LPIN1: variants seen among roughly 807,000 people sequenced by gnomAD.
LPIN1 encodes the protein lipin 1.
Under a neutral mutation model 107.5 loss-of-function variants are expected in LPIN1, and 71 were observed. The ratio of observed to expected loss-of-function variants is 0.66; its 90% CI spans 0.55 to 0.80. LPIN1 has a LOEUF of 0.80. Ranked by LOEUF, LPIN1 falls within the 30% of genes least tolerant of loss-of-function variation. The pLI is 0.00. For missense variants in LPIN1, 1,043 were observed against 1,160.6 expected, an observed-to-expected ratio of 0.90 and a Z score of 1.47; for synonymous variants, 445 against 452.6, an observed-to-expected ratio of 0.98 and a Z score of 0.21.
intron 1 of LPIN1, among the ~76,000 whole-genome samples, chr2:11,696,486 C>G (rs955196931): frequency 6.6e-5 from 10 of 152,024 alleles, no homozygotes; most frequent in African/African-American, 2.4e-4. Context: ...ATTAAAAAGA[C>G]ATTGGATTTT....
intron 1 of LPIN1, among the ~76,000 whole-genome samples, chr2:11,679,786 T>A (rs1661614058): frequency 6.6e-6 from 1 of 152,238 alleles, no homozygotes; most frequent in Admixed American, 6.5e-5. Context: ...CCTCCATGGC[T>A]CTGAAGGGTG....
chr2:11,732,361 A>G (rs1211692212), intron 1 of LPIN1, among the ~76,000 whole-genome samples: 1 of 152,194 alleles, frequency 6.6e-6, no homozygotes, highest in Non-Finnish European at 1.5e-5. Context: ...TCTGCTTTGT[A>G]TCTGTGGACC....
rs894519843 is a variant in LPIN1, at chr2:11,707,644, C to T, written c.82-6112C>T. On this transcript the variant is annotated intron_variant, in intron 1 of 21. Coordinates refer to the LPIN1 transcript ENST00000449576. This position sits in a 1 kb window ranked among gnomAD's most constrained non-coding sequence, Gnocchi z 4.2. ...GTGGCTGGGACTGGGTGGTGGTGCA[C>T]GCACGGGGAGAAGTGCTCGGGGTCC... 6.6e-6 allele frequency among the ~76,000 whole-genome samples: 1 copy of T among 152,100 alleles called. No individual in the cohort carries two copies. The highest frequency in any genetic ancestry group is 1.5e-5 in the Non-Finnish European group (1 of 68,022).
At chr2:11,789,879 A>G (rs1018233062) in intron 12 of LPIN1, among the ~76,000 whole-genome samples, 58 of 152,370 alleles carry the variant, frequency 3.8e-4, no homozygotes, top group African/African-American at 1.4e-3. Flanking sequence ...ATGCATGCTA[A>G]ATCTTTCTAC....
chr2:11,741,668 G>A (rs543195642), upstream of LPIN1, among the ~76,000 whole-genome samples: 11 of 152,186 alleles, frequency 7.2e-5, no homozygotes, highest in Admixed American at 5.2e-4. Flanking sequence ...AAAATGAGCC[G>A]GGCAAGGTGG....
At position 11,795,388 on chromosome 2, in the gene LPIN1, TTTCTTTTC is replaced by T; in HGVS notation, c.1807-10_1807-3del. The T allele has an allele frequency of 6.2e-7, 1 of 1,606,778 alleles. No individual in the cohort carries two copies. The highest frequency in any genetic ancestry group is 8.5e-7 in the Non-Finnish European group (1 of 1,173,660). On this transcript the variant is annotated splice_polypyrimidine_tract_variant and intron_variant, in intron 13 of 20. Coordinates refer to ENST00000674199, the MANE Select transcript of LPIN1 (RefSeq NM_001349206.2). ...CTTCTCTGTGGTACTTCTGTGACTC[TTTCTTTTC>T]TTCTTTTCTAGGAAAGTAAGCCAGA...
chr2:11,766,100 G>C (rs1234355736), intron 2 of LPIN1, among the ~76,000 whole-genome samples: 1 of 152,220 alleles, frequency 6.6e-6, no homozygotes, highest in African/African-American at 2.4e-5. Flanking sequence ...CTGGCTCTTG[G>C]CTGGGCTCTT....
intron 1 of LPIN1, among the ~76,000 whole-genome samples, chr2:11,751,196 C>T (rs939253611): frequency 2.6e-5 from 4 of 152,070 alleles, no homozygotes; most frequent in Non-Finnish European, 5.9e-5. Flanking sequence ...AAAGTGTCAG[C>T]GCTGGAGGAG....
intron 1 of LPIN1, among the ~76,000 whole-genome samples, chr2:11,759,837 C>A (rs1413828529): frequency 1.7e-5 from 2 of 118,580 alleles, no homozygotes; most frequent in South Asian, 5.9e-4. Flanking sequence ...CCCTCCCGGA[C>A]GGGGCGGCTG....
intron 1 of LPIN1, among the ~76,000 whole-genome samples, chr2:11,731,978 C>G (rs1665283642): frequency 6.6e-6 from 1 of 151,982 alleles, no homozygotes; most frequent in Admixed American, 6.6e-5. Flanking sequence ...GATATTAGAC[C>G]TTTGTCAGAT....
At chr2:11,696,657 C>T (rs1409960492) in intron 1 of LPIN1, among the ~76,000 whole-genome samples, 1 of 152,174 alleles carries the variant, frequency 6.6e-6, no homozygotes, top group Non-Finnish European at 1.5e-5. Context: ...AGCTTCTGTC[C>T]TGCCCCGAGT....
intron 1 of LPIN1, among the ~76,000 whole-genome samples, chr2:11,748,791 C>T (rs184650804): frequency 6.6e-6 from 1 of 152,130 alleles, no homozygotes; most frequent in Non-Finnish European, 1.5e-5. Context: ...TGGGGGTAGT[C>T]GAGGGGTACA....
intron 1 of LPIN1, among the ~76,000 whole-genome samples, chr2:11,711,748 G>A (rs6748533): frequency 1.3e-5 from 2 of 151,982 alleles, no homozygotes; most frequent in Non-Finnish European, 2.9e-5. Flanking sequence ...ATATCCCAGC[G>A]ATCCTTTGCT....
At chr2:11,721,095 G>A (rs919367315), upstream of LPIN1, among the ~76,000 whole-genome samples, 14 of 152,018 alleles carry the variant, frequency 9.2e-5, no homozygotes, top group African/African-American at 3.1e-4. Context: ...TCACTTCCAC[G>A]TCCCCAGGGG....
intron 1 of LPIN1, among the ~76,000 whole-genome samples, chr2:11,751,948 AT>A (rs1269283596): frequency 6.6e-6 from 1 of 152,244 alleles, no homozygotes; most frequent in Non-Finnish European, 1.5e-5. Context: ...TTTCATGTTA[AT>A]ATTTATGGAG....
In LPIN1 at chr2:11,803,476, G is replaced by T. The variant is rs879467981; in HGVS notation, c.2013+443G>T. 6.6e-6 allele frequency among the ~76,000 whole-genome samples: 1 copy of T among 152,174 alleles called. No individual in the cohort carries two copies. The highest frequency in any genetic ancestry group is 2.4e-5 in the African/African-American group (1 of 41,446). On this transcript the variant is annotated intron_variant, in intron 15 of 20. Transcript: ENST00000674199. The surrounding 1 kb of genome is among the most constrained non-coding windows in gnomAD (Gnocchi z 4.2). ...TTCAGGTAACCAGGGGCATCACCTG[G>T]TCATGGTGTCCTTTTATTTTTCTGT...
At chr2:11,802,097 T>C (rs921658094) in intron 14 of LPIN1, among the ~76,000 whole-genome samples, 46 of 152,286 alleles carry the variant, frequency 3.0e-4, no homozygotes, top group African/African-American at 8.7e-4. Context: ...CTAAGGCATT[T>C]ACTAAGTGAT....
chr2:11,717,538 A>G (rs1013604765), intron 2 of LPIN1, among the ~76,000 whole-genome samples: 2 of 148,622 alleles, frequency 1.3e-5, no homozygotes, highest in Non-Finnish European at 3.0e-5. Flanking sequence ...ACATTAGCCT[A>G]TCACGTGGAA....
intron 18 of LPIN1, chr2:11,817,724 T>TG (rs1179963806): frequency 6.6e-6 from 1 of 152,166 alleles, no homozygotes; most frequent in Admixed American, 6.5e-5. Context: ...GGTCAGGAGA[T>TG]GGAGACCATC....
Sources: gnomAD v4.1 joint callset for allele counts (sites outside exome capture counted in the v4.1 genomes callset) on GRCh38, gnomAD v4.1.1 for gene constraint, Gnocchi (gnomAD v3.1) non-coding constraint, MANE v1.5 for transcripts, NCBI Gene and HGNC (gene_info 2026-07-23, HGNC 2026-07-21) for gene names.